The following ADGRD2 variants were observed in gnomAD, a reference collection of about 807,000 sequenced individuals.
The protein encoded by ADGRD2 is G protein-coupled receptor PGR24.
A neutral mutation model predicts 44.4 loss-of-function variants in ADGRD2; 71 were observed. The ratio of observed to expected loss-of-function variants is 1.60; its 90% CI spans 1.32 to 1.95. The LOEUF (loss-of-function observed/expected upper bound fraction) is 1.95, where lower values mean the gene tolerates loss of function less well. ADGRD2 is among the 30% of genes most tolerant of loss of function. The pLI is 0.00. For missense variants in ADGRD2, 1,039 were observed against 512.4 expected (o/e 2.03, Z -9.92); for synonymous variants, 481 against 224.8 (o/e 2.14, Z -10.19).
At chr9:124,465,925 G>C (rs2131247433) in intron 10 of ADGRD2, 1 of 195,890 alleles carries the variant, frequency 5.1e-6, no homozygotes, top group Non-Finnish European at 1.0e-5. Context: ...TGAGGCCGGG[G>C]CCCTTGGACT....
At chr9:124,467,487 G>A (rs1831846588) in intron 11 of ADGRD2, 1 of 538,222 alleles carries the variant, frequency 1.9e-6, no homozygotes, top group Non-Finnish European at 3.3e-6. Context: ...TAATTGTCCA[G>A]TTGGTAGAAT....
At position 124,460,388 on chromosome 9, in the gene ADGRD2, A is replaced by ATATATAT. The variant is rs33991643; in HGVS notation, c.1870+1668_1870+1669insATATATT. On this transcript the variant is annotated intron_variant, in intron 10 of 21. Transcript: ENST00000334810. ...CAGCTAATTTTGTATATATATATAT[A>ATATATAT]TTTTTTTTTAGTAGAGATGGGGTTT... Among the ~76,000 whole-genome samples the ATATATAT allele has an allele frequency of 6.1e-3, 886 of 145,158 alleles. 2 individuals are homozygous for ATATATAT. Among genetic ancestry groups the ATATATAT allele is most frequent in the African/African-American group, 8.5e-3 (334 of 39,138 alleles).
intron 13 of ADGRD2, 136 bp from the exon 17 acceptor site, chr9:124,468,383 G>A (rs1336625766): frequency 3.2e-5 from 22 of 684,982 alleles, no homozygotes; most frequent in Non-Finnish European, 5.9e-5. Flanking sequence ...GTGGAGCGGG[G>A]CCCAGGCTGC....
At chr9:124,452,054 G>T (rs767888994), upstream of ADGRD2, 2 of 712,436 alleles carry the variant, frequency 2.8e-6, no homozygotes, top group Non-Finnish European at 5.2e-6. Context: ...GTGAGGGGAG[G>T]GTTGTCCCAG....
exon 6 of ADGRD2, chr9:124,455,102 C>T (rs1438494918): frequency 1.8e-5 from 13 of 710,774 alleles, no homozygotes; most frequent in Non-Finnish European, 3.2e-5. Context: ...GAGCAGGTGG[C>T]TGACACATGG....
exon 10 of ADGRD2, chr9:124,458,713 C>T (rs747013058): frequency 1.3e-5 from 9 of 718,290 alleles, no homozygotes; most frequent in Non-Finnish European, 1.8e-5. Flanking sequence ...TCTCCAGCAC[C>T]GGGCCCAGGT....
intron 10 of ADGRD2, chr9:124,466,039 T>G: frequency 2.7e-6 from 1 of 376,228 alleles, no homozygotes; most frequent in East Asian, 4.0e-5. Context: ...ATTAATTAAG[T>G]TGATAAATGA....
chr9:124,450,663 G>C (rs565209875), upstream of ADGRD2, among the ~76,000 whole-genome samples: 1 of 152,378 alleles, frequency 6.6e-6, no homozygotes, highest in South Asian at 2.1e-4. Flanking sequence ...TGGAGAGCAA[G>C]AAAAGTGGGC....
chr9:124,463,734 T>A (rs1831760819), intron 10 of ADGRD2, among the ~76,000 whole-genome samples: 2 of 152,256 alleles, frequency 1.3e-5, no homozygotes, highest in Admixed American at 6.5e-5. Flanking sequence ...CAGATTTGCT[T>A]ATAATATTTC....
chr9:124,451,412 T>C (rs1831465580), upstream of ADGRD2: 1 of 360,106 alleles, frequency 2.8e-6, no homozygotes, highest in Non-Finnish European at 5.5e-6. Context: ...CTGAAGGGGC[T>C]CCTGGAGACC....
At chr9:124,451,998 C>CGGGGGGGGGGGG, upstream of ADGRD2, 1 of 335,356 alleles carries the variant, frequency 3.0e-6, no homozygotes. Flanking sequence ...CCACTGAATG[C>CGGGGGGGGGGGG]CCCCCTCCCA....
upstream of ADGRD2, chr9:124,451,181 A>G (rs1430294647): frequency 4.2e-6 from 2 of 472,262 alleles, no homozygotes; most frequent in Non-Finnish European, 4.4e-6. Context: ...AGGTGGCTGC[A>G]CGGAGCAGCG....
In ADGRD2 at chr9:124,458,739, T is replaced by G; in HGVS notation, c.1870+18T>G. On this transcript the variant is annotated intron_variant, in intron 10 of 21. Coordinates refer to ENST00000334810, the Ensembl canonical transcript of ADGRD2. ...GGGCCCAGGTACTGGGTGGCGCTTC[T>G]GGGAAGCAGCCATCCTGGCGCACGT... 1.4e-6 allele frequency: 1 copy of G among 716,990 alleles called. No homozygotes were observed. Among genetic ancestry groups the G allele is most frequent in the South Asian group, 1.5e-5 (1 of 67,496 alleles). The allele number at this position is 716,990 out of a possible 1,614,324, so 44.4% of individuals were successfully genotyped here. A position where few individuals can be genotyped will look rare whatever the true frequency, so the allele number is the denominator to read the frequency against.
chr9:124,477,201 C>T (rs1832066043), intron 21 of ADGRD2: 1 of 387,966 alleles, frequency 2.6e-6, no homozygotes, highest in Non-Finnish European at 5.2e-6. Flanking sequence ...ATGACGGGGG[C>T]TGAGCAGTGG....
rs1178227924 is a variant in ADGRD2, at chr9:124,475,552, C to A, written c.2801-19C>A. 2 of 715,414 alleles carry A rather than the reference C, an allele frequency of 2.8e-6. No individual in the cohort carries two copies. Among genetic ancestry groups the A allele is most frequent in the Non-Finnish European group, 5.2e-6 (2 of 383,594 alleles). 44.3% of individuals were successfully genotyped at this position (715,414 alleles called of 1,614,324 possible). A position where few individuals can be genotyped will look rare whatever the true frequency, so the allele number is the denominator to read the frequency against. ...GGGGTAGGGAGGGTCCCCAGCCTGA[C>A]CTCCAAGTATTCCCCCAGGTGCGGA... On this transcript the variant is annotated intron_variant, in intron 18 of 21. Coordinates refer to ENST00000334810, the Ensembl canonical transcript of ADGRD2.
intron 2 of ADGRD2, 22 bp downstream of exon 5, chr9:124,452,744 A>G (rs1459568171): frequency 2.8e-6 from 2 of 702,340 alleles, no homozygotes; most frequent in Non-Finnish European, 5.3e-6. Context: ...CCCCTGGGAA[A>G]TGGGAGCAAG....
At position 124,454,951 on chromosome 9, in the gene ADGRD2, G is replaced by C. The variant is rs773139614; in HGVS notation, c.1219G>C (p.Gly407Arg). 2.8e-6 allele frequency: 2 copies of C among 717,866 alleles called. No homozygotes were observed. The highest frequency in any genetic ancestry group is 1.5e-5 in the South Asian group (1 of 67,606). The allele number at this position is 717,866 out of a possible 1,614,324, so 44.5% of individuals were successfully genotyped here. ...CCTGGCGATGGAGATGGCTCCCCTG[G>C]GGCCGGCCGCACTGCTGGCTGTTGT... is the stretch of plus-strand genomic sequence containing the variant. Residue 407 changes from glycine to arginine, a missense_variant, in exon 6 of 22, where the codon GGG becomes CGG. Transcript: ENST00000334810. The surrounding 1 kb of genome is among the most constrained non-coding windows in gnomAD (Gnocchi z 4.5).
chr9:124,453,443 T>A (rs1364759972), exon 3 of ADGRD2: 1 of 669,884 alleles, frequency 1.5e-6, no homozygotes, highest in Non-Finnish European at 2.7e-6. Context: ...GGCGGCATCC[T>A]GGTGCTGGGC....
At chr9:124,469,973 A>G (rs1480900664) in intron 16 of ADGRD2, among the ~76,000 whole-genome samples, 1 of 152,142 alleles carries the variant, frequency 6.6e-6, no homozygotes. Context: ...TGTTCCTGCC[A>G]AAGACCCGCA....
Sources: allele counts gnomAD v4.1 joint callset (sites outside exome capture counted in the v4.1 genomes callset), GRCh38; gene constraint gnomAD v4.1.1; non-coding constraint Gnocchi (gnomAD v3.1); transcripts MANE v1.5; gene names NCBI Gene and HGNC (gene_info 2026-07-23, HGNC 2026-07-21).